MAGI2: variants seen among roughly 807,000 people sequenced by gnomAD.
MAGI2 encodes membrane associated guanylate kinase, WW and PDZ domain containing 2, also known as membrane-associated guanylate kinase, WW and PDZ domain-containing protein 2.
A neutral mutation model predicts 133.3 loss-of-function variants in MAGI2; 35 were observed. That is an observed-to-expected ratio of 0.26 (90% confidence interval 0.20 to 0.35). The LOEUF is 0.35. Ranked by LOEUF, MAGI2 falls within the 10% of genes least tolerant of loss-of-function variation. MAGI2 has a pLI of 1.00. For synonymous variants in MAGI2, 729 were observed against 710.6 expected, an observed-to-expected ratio of 1.03 and a Z score of -0.41; for missense variants, 1,636 against 1,863.4, an observed-to-expected ratio of 0.88 and a Z score of 2.25.
intron 2 of MAGI2, among the ~76,000 whole-genome samples, chr7:78,888,307 G>C (rs1440302379): frequency 6.6e-6 from 1 of 152,178 alleles, no homozygotes; most frequent in Non-Finnish European, 1.5e-5. Flanking sequence ...CTGGGGGCAG[G>C]GCATAGCCAA....
chr7:79,024,379 C>T (rs1809656051), intron 1 of MAGI2, among the ~76,000 whole-genome samples: 1 of 151,942 alleles, frequency 6.6e-6, no homozygotes, highest in Admixed American at 6.6e-5. Context: ...CTATAAAAAC[C>T]CTGAATGATA....
chr7:78,450,418 C>T (rs780407339), intron 6 of MAGI2, among the ~76,000 whole-genome samples: 8 of 152,002 alleles, frequency 5.3e-5, no homozygotes, highest in Non-Finnish European at 8.8e-5. Flanking sequence ...GAAATTGCCC[C>T]ATTTAGGAAT....
At chr7:78,831,530 G>C (rs1791149312) in intron 2 of MAGI2, among the ~76,000 whole-genome samples, 1 of 152,042 alleles carries the variant, frequency 6.6e-6, no homozygotes, top group South Asian at 2.1e-4. Flanking sequence ...TGGATTACAG[G>C]TGTAAGCACC....
intron 9 of MAGI2, among the ~76,000 whole-genome samples, chr7:78,335,733 T>C (rs1204470353): frequency 6.6e-6 from 1 of 152,108 alleles, no homozygotes; most frequent in East Asian, 1.9e-4. Context: ...ATGACACTTT[T>C]GGGGGAAAAT....
In MAGI2 at chr7:78,256,013, A is replaced by G. The variant is rs142064426; in HGVS notation, c.1977T>C (p.His659=). The G allele has an allele frequency of 1.2e-5, 19 of 1,613,656 alleles. No individual in the cohort carries two copies. The highest frequency in any genetic ancestry group is 9.3e-5 in the African/African-American group (7 of 74,942). The change falls in exon 10 of 22, where the codon CAT becomes CAC. Residue 659 remains histidine, a synonymous_variant. Coordinates refer to ENST00000354212, the MANE Select transcript of MAGI2 (RefSeq NM_012301.4). ...INQQNVQNLS[H]TEVVDILKDC... ...CCTTAAGTATATCCACTACTTCTGT[A>G]TGGCTCAGGTTCTGTACATTCTGCT...
chr7:79,339,710 C>A (rs1840749264), intron 1 of MAGI2, among the ~76,000 whole-genome samples: 1 of 152,058 alleles, frequency 6.6e-6, no homozygotes, highest in Admixed American at 6.6e-5. Context: ...AGCAGTATTT[C>A]TTGAGTTGTG....
chr7:78,838,141 C>T (rs1255528624), intron 2 of MAGI2, among the ~76,000 whole-genome samples: 1 of 152,014 alleles, frequency 6.6e-6, no homozygotes, highest in Non-Finnish European at 1.5e-5. Flanking sequence ...GAACTTGTTC[C>T]AAATAATGGT....
chr7:78,067,293 C>T (rs558449508), intron 21 of MAGI2, among the ~76,000 whole-genome samples: 1 of 152,240 alleles, frequency 6.6e-6, no homozygotes, highest in African/African-American at 2.4e-5. Context: ...GATACACGTG[C>T]CAGGAGACCT....
At position 78,529,668 on chromosome 7, in the gene MAGI2, GTTTTTTTTTTT is replaced by G. The variant is rs554010061; in HGVS notation, c.539-8034_539-8024del. Reference sequence around the variant, plus strand: ...TTTCTTTTCCTTGCTAAAGGAGATGGTTTTTTTTTTTTTTTTTTTTTTTTTTTTTTTTGGGA... The same window carrying G: ...TTTCTTTTCCTTGCTAAAGGAGATGGTTTTTTTTTTTTTTTTTTTTTGGGA... On this transcript the variant is annotated intron_variant, in intron 3 of 21. Coordinates refer to ENST00000354212, the MANE Select transcript of MAGI2 (RefSeq NM_012301.4). Among the ~76,000 whole-genome samples the G allele has an allele frequency of 3.1e-4, 18 of 57,430 alleles. No homozygotes were observed. In the South Asian group the frequency reaches 3.7e-3, roughly 12 times the overall value. 37.7% of individuals were successfully genotyped at this position (57,430 alleles called of 152,430 possible).
chr7:78,150,132 G>A (rs1490546198), intron 16 of MAGI2, among the ~76,000 whole-genome samples: 1 of 152,212 alleles, frequency 6.6e-6, no homozygotes, highest in Non-Finnish European at 1.5e-5. Flanking sequence ...AAGATTTGGT[G>A]TGGTAGGAAA....
At chr7:79,297,072 A>C (rs2129559350) in intron 1 of MAGI2, among the ~76,000 whole-genome samples, 1 of 152,268 alleles carries the variant, frequency 6.6e-6, no homozygotes, top group African/African-American at 2.4e-5. Flanking sequence ...TTAAGTTGAA[A>C]CCTCAAGAGA....
At chr7:78,557,450 G>T (rs1245188304) in intron 3 of MAGI2, among the ~76,000 whole-genome samples, 1 of 152,096 alleles carries the variant, frequency 6.6e-6, no homozygotes, top group Non-Finnish European at 1.5e-5. Context: ...TAGAGAGAAG[G>T]AATTTTTTGG....
intron 9 of MAGI2, among the ~76,000 whole-genome samples, chr7:78,317,711 G>A (rs979780228): frequency 3.3e-5 from 5 of 152,272 alleles, no homozygotes; most frequent in Admixed American, 1.3e-4. Flanking sequence ...CTCTCAGGAG[G>A]GGCCGACAGA....
intron 21 of MAGI2, among the ~76,000 whole-genome samples, chr7:78,066,575 C>T (rs1383390751): frequency 6.6e-6 from 1 of 152,074 alleles, no homozygotes; most frequent in African/African-American, 2.4e-5. Flanking sequence ...ACTGTACTCA[C>T]CTGCTGTGGG....
chr7:78,637,029 A>G (rs1809737351), intron 2 of MAGI2, among the ~76,000 whole-genome samples: 1 of 152,148 alleles, frequency 6.6e-6, no homozygotes, highest in Non-Finnish European at 1.5e-5. Context: ...CACTGCTCCA[A>G]TTTCACTCAT....
intron 20 of MAGI2, among the ~76,000 whole-genome samples, chr7:78,111,072 G>A (rs938928050): frequency 1.3e-5 from 2 of 152,136 alleles, no homozygotes; most frequent in South Asian, 4.1e-4. Context: ...TAGGTCTGGG[G>A]GAGAGATGGA....
At chr7:79,114,595 A>G (rs1014414618) in intron 1 of MAGI2, among the ~76,000 whole-genome samples, 3 of 152,198 alleles carry the variant, frequency 2.0e-5, no homozygotes, top group Non-Finnish European at 4.4e-5. Context: ...ATGTCATAGT[A>G]TCAATCAAAT....
intron 2 of MAGI2, among the ~76,000 whole-genome samples, chr7:78,802,582 T>C (rs913940360): frequency 1.3e-5 from 2 of 152,170 alleles, no homozygotes; most frequent in Non-Finnish European, 2.9e-5. Context: ...GGAGGACTTT[T>C]AGGGCAGTGA....
Position 78,501,685 on chromosome 7 carries a change from T to C in MAGI2, c.857A>G (p.Gln286Arg). 1 of 1,614,162 alleles carries C rather than the reference T, an allele frequency of 6.2e-7. No homozygotes were observed. The highest frequency in any genetic ancestry group is 8.5e-7 in the Non-Finnish European group (1 of 1,180,020). The change falls in exon 5 of 22, where the codon CAG (glutamine) becomes CGG (arginine). Residue 286 changes from glutamine (Q) to arginine (R), a missense_variant. Gln to Arg is a conservative substitution (Grantham distance 43). Around this residue, in one of 5 missense-constraint regions of MAGI2, gnomAD observed 165 missense variants for 128.4 expected, o/e 1.28. Transcript: ENST00000354212. ...VYSQPEELKEQMDDTKPTKPE... is the reference protein window; with the variant it reads ...VYSQPEELKERMDDTKPTKPE... ...TTTAGTTGGCTTTGTGTCATCCATC[T>C]GCTCCTTCAGCTCCTCAGGCTGACT...
Sources: gnomAD v4.1 joint callset for allele counts (sites outside exome capture counted in the v4.1 genomes callset) on GRCh38, gnomAD v4.1.1 for gene constraint, gnomAD v4.1.1 regional missense constraint, MANE v1.5 for transcripts, NCBI Gene and HGNC (gene_info 2026-07-23, HGNC 2026-07-21) for gene names.